The following PEX5L variants were observed in gnomAD, a reference collection of about 807,000 sequenced individuals.
The protein encoded by PEX5L is peroxisomal biogenesis factor 5 like.
Under a neutral mutation model 84.0 loss-of-function variants are expected in PEX5L, and 30 were observed. The ratio of observed to expected loss-of-function variants is 0.36; its 90% CI spans 0.27 to 0.48. The LOEUF (loss-of-function observed/expected upper bound fraction) is 0.48. PEX5L is among the 20% of genes least tolerant of loss of function. The pLI is 0.99. For missense variants in PEX5L, 533 were observed against 754.6 expected (o/e 0.71, Z 3.44); for synonymous variants, 270 against 283.1 (o/e 0.95, Z 0.46).
Position 179,898,205 on chromosome 3 carries a change from C to T in PEX5L, c.135G>A (p.Val45=). ...SRAADKAVAM[V]MKEIPREESA... ...ACTCCTCCCTCGGTATCTCCTTCAT[C>T]ACCATGGCAACAGCCTTATCTGCCG... The change falls in exon 3 of 15, where the codon GTG becomes GTA. Residue 45 remains valine (V), a synonymous_variant. Coordinates refer to ENST00000467460, the MANE Select transcript of PEX5L (RefSeq NM_016559.3). 1 of 1,613,572 alleles carries T rather than the reference C, an allele frequency of 6.2e-7. No individual in the cohort carries two copies.
chr3:180,031,376 G>A (rs997776873), intron 1 of PEX5L, among the ~76,000 whole-genome samples: 4 of 152,252 alleles, frequency 2.6e-5, no homozygotes, highest in Admixed American at 2.6e-4. Flanking sequence ...TGGGGGGTAA[G>A]GAAAAGGTCA....
intron 8 of PEX5L, among the ~76,000 whole-genome samples, chr3:179,857,536 C>G (rs1416314532): frequency 6.6e-6 from 1 of 152,124 alleles, no homozygotes; most frequent in African/African-American, 2.4e-5. Flanking sequence ...CTTCTAAGGT[C>G]TCTATCAAAG....
intron 2 of PEX5L, among the ~76,000 whole-genome samples, chr3:179,906,629 C>CA (rs1293301974): frequency 6.6e-6 from 1 of 151,986 alleles, no homozygotes; most frequent in African/African-American, 2.4e-5. Flanking sequence ...AAATATGTAA[C>CA]AAAAAATGTA....
chr3:179,836,568 T>C (rs1735011418), intron 8 of PEX5L, among the ~76,000 whole-genome samples: 1 of 152,164 alleles, frequency 6.6e-6, no homozygotes. Context: ...TGGGTCCCTG[T>C]TTCTGTTTTC....
intron 1 of PEX5L, among the ~76,000 whole-genome samples, chr3:179,984,901 C>G (rs1014664339): frequency 6.6e-6 from 1 of 152,150 alleles, no homozygotes; most frequent in Non-Finnish European, 1.5e-5. Flanking sequence ...CCCATTTATA[C>G]TGAGGAAATG....
intron 8 of PEX5L, among the ~76,000 whole-genome samples, chr3:179,850,696 A>C (rs964138343): frequency 1.3e-5 from 2 of 152,242 alleles, no homozygotes; most frequent in Non-Finnish European, 2.9e-5. Flanking sequence ...TTAAGCAGTT[A>C]ACTTCAAGAT....
rs528432482 is a variant in PEX5L at position 179,798,023 on chromosome 3, A to G, written c.*3805T>C. 2 of 152,288 alleles carry G rather than the reference A, an allele frequency of 1.3e-5. No individual in the cohort carries two copies. 9.4% of individuals were successfully genotyped at this position (152,288 alleles called of 1,614,324 possible). ...ACAAAGTTTATGATAAAGAGTTTGG[A>G]AGCTTTTATTATAAAAGTGGGACTA... On this transcript the variant is annotated 3_prime_UTR_variant, in exon 15 of 15. Transcript: ENST00000467460.
At chr3:179,874,731 T>TTG (rs1216818341) in intron 6 of PEX5L, among the ~76,000 whole-genome samples, 24 of 60,218 alleles carry the variant, frequency 4.0e-4, no homozygotes, top group Middle Eastern at 7.9e-3. Context: ...TTATGGTTTT[T>TTG]TTTTTTGTTT....
chr3:180,004,695 T>C (rs535478093), intron 1 of PEX5L, among the ~76,000 whole-genome samples: 50 of 152,230 alleles, frequency 3.3e-4, no homozygotes, highest in Non-Finnish European at 6.2e-4. Context: ...CCACCCAAGA[T>C]ATACTGAAGT....
intron 2 of PEX5L, among the ~76,000 whole-genome samples, chr3:179,909,069 T>C (rs552267130): frequency 3.4e-4 from 52 of 152,272 alleles, no homozygotes; most frequent in African/African-American, 1.2e-3. Context: ...TAATTGTCTC[T>C]ATGAGACAGG....
chr3:180,028,650 C>A (rs9828621), intron 1 of PEX5L, among the ~76,000 whole-genome samples: 26,215 of 152,160 alleles, frequency 0.17, 2,855 homozygotes, highest in African/African-American at 0.32. Context: ...TGTTAACTAA[C>A]CAGTGTGGGA....
intron 2 of PEX5L, 65 bp downstream of exon 2, chr3:179,971,529 C>A (rs957758469): frequency 2.0e-6 from 3 of 1,515,154 alleles, no homozygotes; most frequent in South Asian, 1.3e-5. Context: ...GCTGAACACT[C>A]AAAAGGCTTT....
At chr3:179,821,579 G>T (rs2108973935) in intron 8 of PEX5L, among the ~76,000 whole-genome samples, 1 of 152,348 alleles carries the variant, frequency 6.6e-6, no homozygotes, top group South Asian at 2.1e-4. Context: ...ATTATGTCCA[G>T]AATTCTCATT....
At chr3:179,869,057 G>C (rs1749369515) in intron 7 of PEX5L, among the ~76,000 whole-genome samples, 1 of 152,140 alleles carries the variant, frequency 6.6e-6, no homozygotes. Context: ...TTCTGGTTTG[G>C]AATTAAGACT....
chr3:179,870,601 C>A (rs1308960705), intron 7 of PEX5L, among the ~76,000 whole-genome samples: 1 of 152,094 alleles, frequency 6.6e-6, no homozygotes, highest in Non-Finnish European at 1.5e-5. Flanking sequence ...TTCTTCAGGC[C>A]CCTTCATTTC....
chr3:179,887,926 A>C (rs1756418806), intron 3 of PEX5L, 142 bp from the exon 4 acceptor site: 1 of 680,588 alleles, frequency 1.5e-6, no homozygotes, highest in Non-Finnish European at 2.5e-6. Context: ...GGGTGGGGGC[A>C]AGAAAGAAAA....
At position 179,802,005 on chromosome 3, in the gene PEX5L, G is replaced by A. The variant is rs762043199; in HGVS notation, c.1704C>T (p.Ala568=). ...TCCTGCTCTTTCTTTGCAAACTGAG[G>A]GCAGTGAGAAAATTGCTGACCGCTT... ...YREAVSNFLT[A]LSLQRKSRNQ... is the part of the protein sequence containing the mutation. Residue 568 remains alanine (A), a synonymous_variant, in exon 15 of 15, where the codon GCC becomes GCT. Transcript: ENST00000467460. 2.5e-6 allele frequency: 4 copies of A among 1,613,492 alleles called. No homozygotes were observed. In the South Asian group the frequency reaches 4.4e-5, roughly 18 times the overall value.
intron 3 of PEX5L, 190 bp from the exon 4 acceptor site, chr3:179,887,974 C>G (rs1756430617): frequency 1.5e-6 from 1 of 682,700 alleles, no homozygotes; most frequent in Non-Finnish European, 2.5e-6. Context: ...TTAGCACTGT[C>G]AACATATTTT....
intron 7 of PEX5L, among the ~76,000 whole-genome samples, chr3:179,871,457 T>C (rs183587637): frequency 4.6e-5 from 7 of 152,348 alleles, no homozygotes; most frequent in Non-Finnish European, 1.0e-4. Flanking sequence ...TGATTTTATC[T>C]ATATAAATTG....
Sources: allele counts gnomAD v4.1 joint callset (sites outside exome capture counted in the v4.1 genomes callset), GRCh38; gene constraint gnomAD v4.1.1; transcripts MANE v1.5; gene names NCBI Gene and HGNC (gene_info 2026-07-23, HGNC 2026-07-21).